Variants in ARFGEF2 observed in about 807,000 individuals in gnomAD.
ARFGEF2 encodes ARF guanine nucleotide exchange factor 2.
In ARFGEF2, 74 loss-of-function variants were observed where a neutral mutation model predicts 219.9. The ratio of observed to expected loss-of-function variants is 0.34; its 90% CI spans 0.28 to 0.41. The LOEUF is 0.41. Ranked by LOEUF, ARFGEF2 falls within the 10% of genes least tolerant of loss-of-function variation. ARFGEF2 has a pLI of 1.00. For missense variants in ARFGEF2, 1,743 were observed against 2,218.3 expected (o/e 0.79, Z 4.30); for synonymous variants, 733 against 799.2 (o/e 0.92, Z 1.40).
intron 33 of ARFGEF2, 114 bp downstream of exon 33, chr20:49,017,664 T>C: frequency 9.6e-7 from 1 of 1,037,480 alleles, no homozygotes; most frequent in Non-Finnish European, 1.4e-6. Context: ...AATTATAAGA[T>C]CTAAAAATAG....
Position 48,972,437 on chromosome 20 carries a change from TG to T in ARFGEF2, c.1525+16del. 1 of 1,595,858 alleles carries T rather than the reference TG, an allele frequency of 6.3e-7. No homozygotes were observed. Among genetic ancestry groups the T allele is most frequent in the Non-Finnish European group, 8.6e-7 (1 of 1,163,474 alleles). ...GAGGATCTGTGCAGGTATTTCCACCTGGGGACACTCATCCACTGGACTTCTG... is the reference window on the plus strand; with the variant it reads ...GAGGATCTGTGCAGGTATTTCCACCTGGGACACTCATCCACTGGACTTCTG... On this transcript the variant is annotated intron_variant, in intron 11 of 38. Transcript: ENST00000371917.
intron 21 of ARFGEF2, among the ~76,000 whole-genome samples, chr20:48,992,880 A>T (rs749506051): frequency 1.3e-5 from 2 of 151,482 alleles, no homozygotes; most frequent in Non-Finnish European, 1.5e-5. Context: ...CCATATCTTT[A>T]AAAAAAAATT....
intron 30 of ARFGEF2, among the ~76,000 whole-genome samples, chr20:49,014,614 A>G (rs951259674): frequency 1.3e-5 from 2 of 152,152 alleles, no homozygotes; most frequent in African/African-American, 4.8e-5. Flanking sequence ...AATTTTCTCC[A>G]TCTTCTACAT....
rs563666250 is a variant in ARFGEF2, at chr20:48,975,484, T to C, written c.1775-532T>C. Among the ~76,000 whole-genome samples, 10 of 152,302 alleles carry C rather than the reference T, an allele frequency of 6.6e-5. No homozygotes were observed. In the South Asian group the frequency reaches 2.1e-3, roughly 32 times the overall value. On this transcript the variant is annotated intron_variant, in intron 13 of 38. Coordinates refer to ENST00000371917, the MANE Select transcript of ARFGEF2 (RefSeq NM_006420.3). The stretch of plus-strand genomic sequence containing the variant: ...TGTCTTGATCTTTTTTTGCCTTTTT[T>C]ACTCTTTCATGTGAATTTTAGAATT...
At chr20:48,989,922 G>T (rs191479670) in intron 20 of ARFGEF2, among the ~76,000 whole-genome samples, 1 of 152,332 alleles carries the variant, frequency 6.6e-6, no homozygotes, top group Admixed American at 6.5e-5. Flanking sequence ...GCTCACGCCT[G>T]TAATCCCAGC....
chr20:48,959,742 T>A (rs2091133735), intron 6 of ARFGEF2, among the ~76,000 whole-genome samples: 1 of 150,918 alleles, frequency 6.6e-6, no homozygotes, highest in Non-Finnish European at 1.5e-5. Context: ...CCCGAGGAGC[T>A]GGGACTACAG....
chr20:49,027,074 T>C (rs1330111496), intron 36 of ARFGEF2, among the ~76,000 whole-genome samples: 2 of 152,056 alleles, frequency 1.3e-5, no homozygotes, highest in Admixed American at 1.3e-4. Flanking sequence ...TGTGTTCTTT[T>C]TTTTTTATTA....
intron 28 of ARFGEF2, among the ~76,000 whole-genome samples, chr20:49,013,080 A>G (rs1419497645): frequency 6.6e-6 from 1 of 152,160 alleles, no homozygotes; most frequent in African/African-American, 2.4e-5. Flanking sequence ...ACCTAGGACC[A>G]TTGTTTCTAC....
chr20:48,933,124 C>T (rs184230834), intron 1 of ARFGEF2, among the ~76,000 whole-genome samples: 1 of 152,188 alleles, frequency 6.6e-6, no homozygotes, highest in Non-Finnish European at 1.5e-5. Context: ...AAAGACAGCG[C>T]GGCTTTTCAG....
intron 1 of ARFGEF2, among the ~76,000 whole-genome samples, chr20:48,927,343 C>G (rs1012430170): frequency 6.6e-6 from 1 of 152,058 alleles, no homozygotes; most frequent in Non-Finnish European, 1.5e-5. Context: ...AAAAACCATT[C>G]TCATCATGAG....
At chr20:48,992,517 C>T (rs1350763303) in intron 21 of ARFGEF2, among the ~76,000 whole-genome samples, 7 of 152,124 alleles carry the variant, frequency 4.6e-5, no homozygotes, top group African/African-American at 1.7e-4. Context: ...TGGGGCTCCA[C>T]CTCTTCCTGC....
intron 35 of ARFGEF2, among the ~76,000 whole-genome samples, chr20:49,024,158 A>G (rs1431185440): frequency 6.6e-6 from 1 of 152,010 alleles, no homozygotes. Flanking sequence ...TTTTTTGTAG[A>G]GATGGGGTTT....
intron 34 of ARFGEF2, among the ~76,000 whole-genome samples, chr20:49,021,918 C>T (rs953758074): frequency 1.4e-4 from 21 of 148,136 alleles, no homozygotes; most frequent in South Asian, 6.4e-4. Flanking sequence ...TGGGCTGAGG[C>T]GGGCAGATCA....
At chr20:49,006,901 GTC>G (rs2091464090) in intron 26 of ARFGEF2, among the ~76,000 whole-genome samples, 1 of 150,558 alleles carries the variant, frequency 6.6e-6, no homozygotes, top group South Asian at 2.1e-4. Context: ...TTTTGACGGA[GTC>G]TCTCCTGACC....
intron 3 of ARFGEF2, among the ~76,000 whole-genome samples, chr20:48,945,132 A>G (rs907832738): frequency 2.6e-5 from 4 of 152,136 alleles, no homozygotes; most frequent in Non-Finnish European, 4.4e-5. Context: ...ACCTACCCTC[A>G]TGACTGCATC....
chr20:48,966,324 T>G (rs1184881635), intron 8 of ARFGEF2, among the ~76,000 whole-genome samples: 1 of 152,240 alleles, frequency 6.6e-6, no homozygotes, highest in Non-Finnish European at 1.5e-5. Flanking sequence ...ATAAAATATA[T>G]AGTTACCCGT....
At chr20:49,021,245 AAAAAAAATTTTTTTTTTAATG>A (rs1450788685) in intron 34 of ARFGEF2, among the ~76,000 whole-genome samples, 1 of 151,834 alleles carries the variant, frequency 6.6e-6, no homozygotes, top group Non-Finnish European at 1.5e-5. Context: ...CTAAGAAGAA[AAAAAAAATTTTTTTTTTAATG>A]AAAAAAATGA....
chr20:48,982,492 G>C (rs1183241254), intron 14 of ARFGEF2, among the ~76,000 whole-genome samples: 1 of 152,178 alleles, frequency 6.6e-6, no homozygotes, highest in African/African-American at 2.4e-5. Flanking sequence ...GCTGTTCTCA[G>C]AGCTCAAACA....
rs1374267350 is a variant in ARFGEF2, at chr20:48,985,633, C to T, written c.2276+20C>T. 1.2e-6 allele frequency: 2 copies of T among 1,612,120 alleles called. No individual in the cohort carries two copies. The highest frequency in any genetic ancestry group is 1.7e-6 in the Non-Finnish European group (2 of 1,178,728). On this transcript the variant is annotated intron_variant, in intron 16 of 38. Coordinates refer to ENST00000371917, the MANE Select transcript of ARFGEF2 (RefSeq NM_006420.3). ...CCAAGGGTGAGCGCCGATTTTGAGT[C>T]CCTTCCAGATCATCTGTTTGCCTGC...
Sources: gnomAD v4.1 joint callset for allele counts (sites outside exome capture counted in the v4.1 genomes callset) on GRCh38, gnomAD v4.1.1 for gene constraint, MANE v1.5 for transcripts, NCBI Gene and HGNC (gene_info 2026-07-23, HGNC 2026-07-21) for gene names.